The following DNAH9 variants were observed in gnomAD, a reference collection of about 807,000 sequenced individuals.
The protein encoded by DNAH9 is dynein axonemal heavy chain 9.
In DNAH9, 345 loss-of-function variants were observed where a neutral mutation model predicts 471.6. The ratio of observed to expected loss-of-function variants is 0.73; its 90% CI spans 0.67 to 0.80. The LOEUF is 0.80. Ranked by LOEUF, DNAH9 falls within the 30% of genes least tolerant of loss-of-function variation. The probability of loss-of-function intolerance (pLI) is 0.00; values close to 1 mark genes in which losing one functional copy is unlikely to be tolerated. For synonymous variants in DNAH9, 2,093 were observed against 2,123.6 expected (o/e 0.99, Z 0.40); for missense variants, 5,407 against 5,609.2 (o/e 0.96, Z 1.15).
chr17:11,950,627 A>G (rs1464500479), intron 67 of DNAH9, among the ~76,000 whole-genome samples: 1 of 152,074 alleles, frequency 6.6e-6, no homozygotes, highest in Non-Finnish European at 1.5e-5. Context: ...CCTTGACCCA[A>G]AGTGTTGGAA....
At chr17:11,708,938 G>A (rs778656869) in intron 26 of DNAH9, among the ~76,000 whole-genome samples, 2 of 152,118 alleles carry the variant, frequency 1.3e-5, no homozygotes, top group Non-Finnish European at 2.9e-5. Flanking sequence ...TTGAGTGAAT[G>A]CAATGAAATG....
intron 43 of DNAH9, among the ~76,000 whole-genome samples, chr17:11,803,406 G>A (rs913087205): frequency 1.1e-4 from 17 of 151,836 alleles, no homozygotes; most frequent in Non-Finnish European, 1.2e-4. Flanking sequence ...GTGTGCGCTC[G>A]CACACACGCA....
At chr17:11,673,412 A>G (rs1465961743) in intron 17 of DNAH9, among the ~76,000 whole-genome samples, 1 of 152,116 alleles carries the variant, frequency 6.6e-6, no homozygotes, top group Non-Finnish European at 1.5e-5. Context: ...TTACCTTCTT[A>G]AATATTCCCT....
intron 67 of DNAH9, among the ~76,000 whole-genome samples, chr17:11,960,436 A>T (rs1220883690): frequency 1.5e-4 from 8 of 54,238 alleles, no homozygotes; most frequent in African/African-American, 5.7e-4. Flanking sequence ...ACTCTGTCTT[A>T]AAAAAAAAAA....
intron 44 of DNAH9, among the ~76,000 whole-genome samples, chr17:11,809,520 T>C (rs1314549641): frequency 2.0e-5 from 3 of 152,084 alleles, no homozygotes; most frequent in African/African-American, 4.8e-5. Context: ...TGAGCCGAGA[T>C]GGTGCCACTG....
chr17:11,967,557 C>T (rs773874723), intron 68 of DNAH9, among the ~76,000 whole-genome samples: 1 of 152,074 alleles, frequency 6.6e-6, no homozygotes, highest in Non-Finnish European at 1.5e-5. Context: ...ATATAGAAAA[C>T]GAATAGCAGA....
At chr17:11,913,417 CCTT>C (rs1973849420) in intron 61 of DNAH9, among the ~76,000 whole-genome samples, 1 of 152,110 alleles carries the variant, frequency 6.6e-6, no homozygotes, top group African/African-American at 2.4e-5. Context: ...ATAAACACCT[CCTT>C]AATTTTGATA....
chr17:11,719,246 C>A, intron 26 of DNAH9, 88 bp from the exon 27 acceptor site: 1 of 1,338,280 alleles, frequency 7.5e-7, no homozygotes, highest in Non-Finnish European at 1.0e-6. Flanking sequence ...TTTTCAGAAG[C>A]TATGCCAGAT....
chr17:11,874,413 C>CAAGA (rs551967174), intron 52 of DNAH9, among the ~76,000 whole-genome samples: 8 of 152,224 alleles, frequency 5.3e-5, no homozygotes, highest in South Asian at 2.1e-4. Flanking sequence ...GGCAGGTTTG[C>CAAGA]AAGAGTCCTG....
chr17:11,702,967 C>T (rs903251089), intron 24 of DNAH9, among the ~76,000 whole-genome samples: 6 of 152,036 alleles, frequency 3.9e-5, no homozygotes, highest in South Asian at 4.2e-4. Flanking sequence ...GTGGTGGGCA[C>T]CTGTAGTCCC....
chr17:11,867,458 A>C (rs1972101523), intron 50 of DNAH9, among the ~76,000 whole-genome samples: 1 of 124,730 alleles, frequency 8.0e-6, no homozygotes, highest in South Asian at 2.4e-4. Context: ...AGTGATTTCC[A>C]CAAGAGTTTT....
chr17:11,927,492 G>C (rs1357652321), intron 62 of DNAH9, among the ~76,000 whole-genome samples: 1 of 152,184 alleles, frequency 6.6e-6, no homozygotes, highest in Non-Finnish European at 1.5e-5. Context: ...AGTTCTCCCA[G>C]CACCATTTAT....
chr17:11,833,118 G>C (rs1431044184), intron 48 of DNAH9, among the ~76,000 whole-genome samples: 9 of 152,228 alleles, frequency 5.9e-5, no homozygotes, highest in Non-Finnish European at 1.3e-4. Context: ...TCTGAAAGTA[G>C]ATAGAAAATC....
At position 11,969,113 on chromosome 17, in the gene DNAH9, T is replaced by C. The variant is rs1378251146; in HGVS notation, c.13234-187T>C. ...TTCACCTGATTTAGGCAGAGAAAAA[T>C]AGAAACGTGTTTCTACATATCAGAT... On this transcript the variant is annotated intron_variant, in intron 68 of 68. Transcript: ENST00000262442. Among the ~76,000 whole-genome samples the C allele has an allele frequency of 1.2e-4, 18 of 152,062 alleles. No individual in the cohort carries two copies. In the East Asian group the frequency reaches 3.3e-3, roughly 28 times the overall value.
At chr17:11,964,861 C>CA (rs1264318672) in intron 68 of DNAH9, among the ~76,000 whole-genome samples, 6 of 152,020 alleles carry the variant, frequency 3.9e-5, no homozygotes, top group African/African-American at 1.4e-4. Flanking sequence ...CCCACCCCCC[C>CA]ACAAAAAAAC....
At position 11,894,505 on chromosome 17, in the gene DNAH9, T is replaced by C; in HGVS notation, c.11406+9T>C. 3 of 1,609,746 alleles carry C rather than the reference T, an allele frequency of 1.9e-6. No homozygotes were observed. The highest frequency in any genetic ancestry group is 2.5e-6 in the Non-Finnish European group (3 of 1,176,538). On this transcript the variant is annotated intron_variant, in intron 59 of 68. Coordinates refer to ENST00000262442, the MANE Select transcript of DNAH9 (RefSeq NM_001372.4). Reference sequence around the variant, plus strand: ...CGTGGGGAGCTGTCAAGGTCAGTATTGACCCCTAGAAAAAAGCCAAGCTCT... The same window carrying C: ...CGTGGGGAGCTGTCAAGGTCAGTATCGACCCCTAGAAAAAAGCCAAGCTCT...
At position 11,654,812 on chromosome 17, in the gene DNAH9, C is replaced by T. The variant is rs543814753; in HGVS notation, c.2595+1810C>T. On this transcript the variant is annotated intron_variant, in intron 14 of 68. Coordinates refer to ENST00000262442, the MANE Select transcript of DNAH9 (RefSeq NM_001372.4). ...CATTATCATTTTATTGATAAGAAAA[C>T]GAAGGCACAGACAGGCTAAATTAAT... 2.0e-5 allele frequency among the ~76,000 whole-genome samples: 3 copies of T among 151,860 alleles called. No homozygotes were observed. In the South Asian group the frequency reaches 6.3e-4, roughly 32 times the overall value.
chr17:11,606,552 G>A (rs569385245), intron 1 of DNAH9, among the ~76,000 whole-genome samples: 5 of 122,846 alleles, frequency 4.1e-5, no homozygotes, highest in African/African-American at 9.2e-5. Flanking sequence ...GGGTTCAAGC[G>A]ATTCCCCTGC....
rs370150805 is a variant in DNAH9 at position 11,843,841 on chromosome 17, T to TTG, written c.9507+8965_9507+8966dup. Among the ~76,000 whole-genome samples the TTG allele has an allele frequency of 3.1e-3, 215 of 69,852 alleles. 8 individuals carry two copies. The highest frequency in any genetic ancestry group is 4.1e-3 in the African/African-American group (80 of 19,442). The allele number at this position is 69,852 out of a possible 152,430, so 45.8% of individuals were successfully genotyped here. ...TTTGTATATATACATGTATATGTGT[T>TTG]TGTGTGTGTGTGTGTGTGTGTGTAT... On this transcript the variant is annotated intron_variant, in intron 49 of 68. Transcript: ENST00000262442.
Sources: allele counts gnomAD v4.1 joint callset (sites outside exome capture counted in the v4.1 genomes callset), GRCh38; gene constraint gnomAD v4.1.1; transcripts MANE v1.5; gene names NCBI Gene and HGNC (gene_info 2026-07-23, HGNC 2026-07-21).